ARHGAP10: variants seen among roughly 807,000 people sequenced by gnomAD.
ARHGAP10 encodes the protein rho GTPase-activating protein 10.
A neutral mutation model predicts 108.6 loss-of-function variants in ARHGAP10; 87 were observed. The observed-to-expected ratio is 0.80, with a 90% CI of 0.67 to 0.96. The LOEUF is 0.96. Among genes scored for constraint, ARHGAP10 ranks in the 40% least tolerant of loss-of-function variants. The probability of loss-of-function intolerance (pLI) is 0.00; values close to 1 mark genes in which losing one functional copy is unlikely to be tolerated. For synonymous variants in ARHGAP10, 347 were observed against 341.1 expected, an observed-to-expected ratio of 1.02 and a Z score of -0.19; for missense variants, 939 against 954.5, an observed-to-expected ratio of 0.98 and a Z score of 0.21.
intron 1 of ARHGAP10, among the ~76,000 whole-genome samples, chr4:147,763,941 G>A (rs1178275223): frequency 6.6e-6 from 1 of 151,884 alleles, no homozygotes. Context: ...TTTGAGTAGA[G>A]ACAGGGTTTC....
chr4:148,025,965 C>T (rs1344103989), intron 19 of ARHGAP10, among the ~76,000 whole-genome samples: 1 of 152,098 alleles, frequency 6.6e-6, no homozygotes, highest in East Asian at 1.9e-4. Flanking sequence ...ATATGCTTCT[C>T]TCTTCCCTGC....
intron 19 of ARHGAP10, among the ~76,000 whole-genome samples, chr4:148,030,128 G>C (rs571466476): frequency 3.3e-5 from 5 of 151,636 alleles, no homozygotes; most frequent in Non-Finnish European, 7.4e-5. Flanking sequence ...AAAAAAAAAA[G>C]CTTATTTAAT....
intron 18 of ARHGAP10, among the ~76,000 whole-genome samples, chr4:147,990,156 G>T (rs1035435694): frequency 1.3e-5 from 2 of 152,138 alleles, no homozygotes; most frequent in Non-Finnish European, 2.9e-5. Context: ...GGTCTTCATG[G>T]TGCAACCTCA....
chr4:147,771,895 G>A (rs755672939), intron 1 of ARHGAP10, among the ~76,000 whole-genome samples: 3 of 152,086 alleles, frequency 2.0e-5, no homozygotes, highest in Non-Finnish European at 4.4e-5. Context: ...AGGTTCTAGC[G>A]ATTTTCCTGC....
At chr4:147,914,483 A>G (rs927058553) in intron 13 of ARHGAP10, among the ~76,000 whole-genome samples, 1 of 151,528 alleles carries the variant, frequency 6.6e-6, no homozygotes, top group Admixed American at 6.6e-5. Context: ...TGGGCCTCCC[A>G]AAATACTGGA....
chr4:148,035,452 T>G lies in ARHGAP10; in HGVS notation c.1868-11440T>G, dbSNP rs546487152. On this transcript the variant is annotated intron_variant, in intron 19 of 22. Transcript: ENST00000336498. Reference sequence around the variant, plus strand: ...GAAGCTCTTTTCTTGAGAAGTCACATTTTTCTTTTTCTAGAGAGAATTTCA... The same window carrying G: ...GAAGCTCTTTTCTTGAGAAGTCACAGTTTTCTTTTTCTAGAGAGAATTTCA... 5.3e-5 allele frequency among the ~76,000 whole-genome samples: 8 copies of G among 152,308 alleles called. No homozygotes were observed. The South Asian group carries it at 1.5e-3, about 28-fold the overall frequency.
intron 1 of ARHGAP10, among the ~76,000 whole-genome samples, chr4:147,765,347 G>C (rs867853534): frequency 1.4e-5 from 2 of 143,602 alleles, no homozygotes; most frequent in African/African-American, 5.2e-5. Flanking sequence ...TGGGGGGGGG[G>C]GTGTGAGTGT....
intron 10 of ARHGAP10, among the ~76,000 whole-genome samples, chr4:147,899,849 TGTA>T (rs1736159959): frequency 6.7e-6 from 1 of 150,176 alleles, no homozygotes; most frequent in African/African-American, 2.4e-5. Context: ...CATAATAAAA[TGTA>T]GGGCAGAACT....
At chr4:148,031,644 A>G (rs1276151858) in intron 19 of ARHGAP10, among the ~76,000 whole-genome samples, 2 of 152,220 alleles carry the variant, frequency 1.3e-5, no homozygotes, top group African/African-American at 2.4e-5. Flanking sequence ...TAACAATGCT[A>G]TTTATTTTTT....
rs770812361 is a variant in ARHGAP10, at chr4:147,939,847, C to A, written c.1251C>A (p.Tyr417Ter). The change falls in exon 14 of 23, where the codon TAC (tyrosine) becomes TAA (stop). Residue 417 changes from tyrosine (Y) to a stop codon, truncating the protein, a stop_gained. Coordinates refer to ENST00000336498, the MANE Select transcript of ARHGAP10 (RefSeq NM_024605.4). LOFTEE classifies it high-confidence loss of function. ...TAGGTATAAATGACCAAGGATTGTA[C>A]AGAGTTGTGGGGGTGAGTTCAAAGG... is the stretch of plus-strand genomic sequence containing the variant. ...ETRGINDQGL[Y>*]RVVGVSSKVQ... The A allele has an allele frequency of 6.2e-7, 1 of 1,613,856 alleles. No homozygotes were observed. Among genetic ancestry groups the A allele is most frequent in the African/African-American group, 1.3e-5 (1 of 74,896 alleles).
intron 13 of ARHGAP10, among the ~76,000 whole-genome samples, chr4:147,920,592 G>T (rs1032797642): frequency 6.6e-6 from 1 of 152,166 alleles, no homozygotes; most frequent in African/African-American, 2.4e-5. Flanking sequence ...CACAGGACAT[G>T]CATAGTCATG....
At chr4:147,877,678 C>T (rs1374874236) in intron 8 of ARHGAP10, among the ~76,000 whole-genome samples, 1 of 152,084 alleles carries the variant, frequency 6.6e-6, no homozygotes, top group Admixed American at 6.5e-5. Context: ...TGCTAGAGGT[C>T]CCTCTGACAT....
intron 16 of ARHGAP10, among the ~76,000 whole-genome samples, chr4:147,959,253 AG>A (rs1358711359): frequency 6.6e-6 from 1 of 151,966 alleles, no homozygotes; most frequent in Non-Finnish European, 1.5e-5. Flanking sequence ...TTGTTTTTGA[AG>A]AAGAGGGAAA....
chr4:147,937,304 G>T (rs1737992343), intron 13 of ARHGAP10, among the ~76,000 whole-genome samples: 2 of 152,090 alleles, frequency 1.3e-5, no homozygotes, highest in African/African-American at 4.8e-5. Flanking sequence ...GTACATGTCT[G>T]TGTCTTCATC....
At chr4:147,919,739 C>G (rs1394758373) in intron 13 of ARHGAP10, among the ~76,000 whole-genome samples, 2 of 151,992 alleles carry the variant, frequency 1.3e-5, no homozygotes, top group East Asian at 1.9e-4. Context: ...CCACAATACC[C>G]AGCTAATTTT....
intron 22 of ARHGAP10, among the ~76,000 whole-genome samples, chr4:148,066,004 G>C (rs1179702540): frequency 6.8e-6 from 1 of 146,042 alleles, no homozygotes; most frequent in Non-Finnish European, 1.5e-5. Flanking sequence ...AAAGGGTTGA[G>C]GGGATTAGTT....
intron 1 of ARHGAP10, among the ~76,000 whole-genome samples, chr4:147,822,298 T>G (rs1254739553): frequency 1.3e-5 from 2 of 152,214 alleles, no homozygotes; most frequent in Non-Finnish European, 2.9e-5. Flanking sequence ...GACCTTGGGC[T>G]TTTGAGTTCC....
In ARHGAP10 at chr4:147,889,677, C is replaced by T. The variant is rs113405927; in HGVS notation, c.1034+7745C>T. The stretch of plus-strand genomic sequence containing the variant: ...ATGTAAACATACTTTGTCTTCTTTA[C>T]AAGTATCTGTTTTTGCTATTTTTTT... On this transcript the variant is annotated intron_variant, in intron 10 of 22. Coordinates refer to ENST00000336498, the MANE Select transcript of ARHGAP10 (RefSeq NM_024605.4). 1.2e-4 allele frequency among the ~76,000 whole-genome samples: 18 copies of T among 150,182 alleles called. 1 individual carries two copies. Among genetic ancestry groups the T allele is most frequent in the African/African-American group, 4.4e-4 (18 of 41,340 alleles).
intron 14 of ARHGAP10, among the ~76,000 whole-genome samples, chr4:147,940,634 T>G (rs1390624578): frequency 6.6e-6 from 1 of 152,222 alleles, no homozygotes; most frequent in Admixed American, 6.5e-5. Flanking sequence ...CATTATGATC[T>G]TGCTACATAT....
Sources: gnomAD v4.1 joint callset for allele counts (sites outside exome capture counted in the v4.1 genomes callset) on GRCh38, gnomAD v4.1.1 for gene constraint, MANE v1.5 for transcripts, NCBI Gene and HGNC (gene_info 2026-07-23, HGNC 2026-07-21) for gene names.